ATP6V1H: variants seen among roughly 807,000 people sequenced by gnomAD.
ATP6V1H encodes the protein ATPase H+ transporting V1 subunit H.
In ATP6V1H, 39 loss-of-function variants were observed where a neutral mutation model predicts 71.7. The observed-to-expected ratio is 0.54, with a 90% CI of 0.42 to 0.71. ATP6V1H has a LOEUF of 0.71. ATP6V1H is among the 30% of genes least tolerant of loss of function. The pLI is 0.00. For synonymous variants in ATP6V1H, 192 were observed against 199.3 expected (o/e 0.96, Z 0.31); for missense variants, 509 against 594.9 (o/e 0.86, Z 1.50).
At chr8:53,806,781 C>T (rs1023673792) in intron 7 of ATP6V1H, 10 of 444,226 alleles carry the variant, frequency 2.3e-5, no homozygotes, top group African/African-American at 1.8e-4. Flanking sequence ...TATCTCCAGG[C>T]AATCCTTCCA....
In ATP6V1H at chr8:53,814,649, A is replaced by C. The variant is rs773157461; in HGVS notation, c.525+13T>G. On this transcript the variant is annotated intron_variant, in intron 6 of 13. Coordinates refer to ENST00000359530, the MANE Select transcript of ATP6V1H (RefSeq NM_015941.4). ...TATTCCTTTCAAAGGTACTTTAAAA[A>C]ATTTTCTTTTACCTGTGAACTCAGC... 1 of 1,501,622 alleles carries C rather than the reference A, an allele frequency of 6.7e-7. No homozygotes were observed. The highest frequency in any genetic ancestry group is 1.8e-5 in the Admixed American group (1 of 55,458). The allele number at this position is 1,501,622 out of a possible 1,614,324, so 93.0% of individuals were successfully genotyped here.
At chr8:53,730,687 T>G (rs562207758) in intron 13 of ATP6V1H, among the ~76,000 whole-genome samples, 1 of 152,164 alleles carries the variant, frequency 6.6e-6, no homozygotes, top group Non-Finnish European at 1.5e-5. Context: ...AGAGAACACA[T>G]ACAAATGCAG....
intron 9 of ATP6V1H, among the ~76,000 whole-genome samples, chr8:53,778,655 T>C (rs780817020): frequency 1.6e-4 from 25 of 152,186 alleles, no homozygotes; most frequent in South Asian, 6.2e-4. Flanking sequence ...AAATGGAAGA[T>C]AGAAGAACAA....
At chr8:53,782,157 T>G (rs1375210366) in intron 9 of ATP6V1H, among the ~76,000 whole-genome samples, 4 of 152,304 alleles carry the variant, frequency 2.6e-5, no homozygotes, top group East Asian at 3.9e-4. Context: ...ACGATATTGA[T>G]TCTTCCTACC....
Position 53,804,618 on chromosome 8 carries a change from G to A in ATP6V1H, c.580-2722C>T, listed in dbSNP as rs920210046. On this transcript the variant is annotated intron_variant, in intron 7 of 13. Transcript: ENST00000359530. Reference sequence around the variant, plus strand: ...GAACCCAGGAGGTGGAAGTTGCAGTGAGCAGAGACGGCATCACTGAACTCC... The same window carrying A: ...GAACCCAGGAGGTGGAAGTTGCAGTAAGCAGAGACGGCATCACTGAACTCC... Among the ~76,000 whole-genome samples the A allele has an allele frequency of 3.9e-5, 6 of 152,174 alleles. No homozygotes were observed. In the East Asian group the frequency reaches 1.2e-3, roughly 29 times the overall value.
At chr8:53,827,508 TGAACACA>T (rs144784955) in intron 4 of ATP6V1H, among the ~76,000 whole-genome samples, 7,756 of 152,146 alleles carry the variant, frequency 0.051, 606 homozygotes, top group African/African-American at 0.17. Context: ...CTCTGAAACT[TGAACACA>T]GTATTCTGAC....
intron 7 of ATP6V1H, among the ~76,000 whole-genome samples, chr8:53,810,230 T>C (rs1372766481): frequency 6.6e-6 from 1 of 152,206 alleles, no homozygotes; most frequent in Admixed American, 6.5e-5. Context: ...TCTGTCTCCG[T>C]TTTCCCTAAC....
intron 5 of ATP6V1H, 114 bp from the exon 6 acceptor site, chr8:53,814,880 C>T: frequency 3.4e-6 from 2 of 583,388 alleles, no homozygotes; most frequent in South Asian, 4.9e-5. Context: ...ACACTCAACC[C>T]CTCTAAAAAT....
chr8:53,820,298 A>G (rs1022308776), intron 4 of ATP6V1H, among the ~76,000 whole-genome samples: 3 of 151,746 alleles, frequency 2.0e-5, no homozygotes, highest in African/African-American at 7.3e-5. Flanking sequence ...TTAAAAAAAA[A>G]GAAGAAGAAG....
At chr8:53,801,701 A>C in intron 8 of ATP6V1H, 98 bp downstream of exon 8, 1 of 1,042,584 alleles carries the variant, frequency 9.6e-7, no homozygotes, top group Non-Finnish European at 1.4e-6. Flanking sequence ...ATATGAAAAA[A>C]ATAAAATATT....
At chr8:53,835,411 C>T (rs1284303477) in intron 2 of ATP6V1H, among the ~76,000 whole-genome samples, 1 of 152,178 alleles carries the variant, frequency 6.6e-6, no homozygotes, top group African/African-American at 2.4e-5. Flanking sequence ...ACTGTCCCCT[C>T]CCCAAGAGAA....
At position 53,731,782 on chromosome 8, in the gene ATP6V1H, T is replaced by A. The variant is rs548156906; in HGVS notation, c.1391+11795A>T. ...ACCGGGAAGCGAGGTAATTAACAGA[T>A]GGTAGAGGTAGCCCCTTAGGTGGCT... On this transcript the variant is annotated intron_variant, in intron 13 of 13. Coordinates refer to ENST00000359530, the MANE Select transcript of ATP6V1H (RefSeq NM_015941.4). Among the ~76,000 whole-genome samples the A allele has an allele frequency of 1.8e-3, 269 of 152,342 alleles. 1 individual carries two copies. Among genetic ancestry groups the A allele is most frequent in the African/African-American group, 6.3e-3 (261 of 41,572 alleles).
chr8:53,751,152 C>T (rs538906589), intron 12 of ATP6V1H, among the ~76,000 whole-genome samples: 1 of 152,100 alleles, frequency 6.6e-6, no homozygotes, highest in African/African-American at 2.4e-5. Context: ...GTCCGTGTTG[C>T]TAAGTAACTA....
At chr8:53,827,451 T>C (rs528706038) in intron 4 of ATP6V1H, among the ~76,000 whole-genome samples, 1 of 152,120 alleles carries the variant, frequency 6.6e-6, no homozygotes, top group African/African-American at 2.4e-5. Context: ...TAAAATAGAA[T>C]ACAACAGAAA....
intron 4 of ATP6V1H, among the ~76,000 whole-genome samples, chr8:53,818,660 G>A (rs928003061): frequency 2.0e-5 from 3 of 152,078 alleles, no homozygotes; most frequent in African/African-American, 7.2e-5. Flanking sequence ...TTTCCGGTCA[G>A]GTACACTTAG....
chr8:53,784,438 C>A (rs1054340392), intron 9 of ATP6V1H, among the ~76,000 whole-genome samples: 1 of 152,064 alleles, frequency 6.6e-6, no homozygotes, highest in Admixed American at 6.6e-5. Flanking sequence ...TGTCTCTGCA[C>A]GTGAGATGGG....
At chr8:53,780,678 G>C (rs906294514) in intron 9 of ATP6V1H, among the ~76,000 whole-genome samples, 24 of 151,858 alleles carry the variant, frequency 1.6e-4, no homozygotes, top group Admixed American at 1.1e-3. Flanking sequence ...TCTCCTAATG[G>C]TATCCCTCCC....
intron 8 of ATP6V1H, among the ~76,000 whole-genome samples, chr8:53,800,398 C>T (rs548772601): frequency 6.6e-6 from 1 of 152,154 alleles, no homozygotes; most frequent in East Asian, 1.9e-4. Flanking sequence ...TAATGACCAA[C>T]AGAGGAAAGT....
chr8:53,780,192 A>G (rs1465640480), intron 9 of ATP6V1H, among the ~76,000 whole-genome samples: 2 of 151,990 alleles, frequency 1.3e-5, no homozygotes, highest in African/African-American at 4.8e-5. Context: ...TATCATAACT[A>G]ATGGCTTCAA....
Sources: gnomAD v4.1 joint callset for allele counts (sites outside exome capture counted in the v4.1 genomes callset) on GRCh38, gnomAD v4.1.1 for gene constraint, MANE v1.5 for transcripts, NCBI Gene and HGNC (gene_info 2026-07-23, HGNC 2026-07-21) for gene names.